The following PPFIBP1 variants were observed in gnomAD, a reference collection of about 807,000 sequenced individuals.
PPFIBP1 encodes liprin-beta-1.
PPFIBP1 carries 112 observed loss-of-function variants against 137.8 expected under a neutral mutation model. That is an observed-to-expected ratio of 0.81 (90% confidence interval 0.70 to 0.95). PPFIBP1 has a LOEUF of 0.95. PPFIBP1 is among the 40% of genes least tolerant of loss of function. The pLI is 0.00. For missense variants in PPFIBP1, 1,083 were observed against 1,196.6 expected (o/e 0.91, Z 1.40); for synonymous variants, 378 against 417.3 (o/e 0.91, Z 1.15).
At chr12:27,672,334 T>C (rs2140198028) in intron 14 of PPFIBP1, 93 bp from the exon 15 acceptor site, 2 of 953,102 alleles carry the variant, frequency 2.1e-6, no homozygotes, top group Non-Finnish European at 3.2e-6. Flanking sequence ...TTCCTTTGCA[T>C]AATTTTTTGT....
At chr12:27,592,868 G>A (rs1347474232) in intron 2 of PPFIBP1, 7 of 526,246 alleles carry the variant, frequency 1.3e-5, no homozygotes, top group Middle Eastern at 1.0e-3. Flanking sequence ...GGCTGGGTGC[G>A]ATGGCTCACA....
At chr12:27,557,650 C>T (rs1020288717) in intron 1 of PPFIBP1, among the ~76,000 whole-genome samples, 1 of 152,168 alleles carries the variant, frequency 6.6e-6, no homozygotes, top group Admixed American at 6.5e-5. Flanking sequence ...AGTACATTTA[C>T]AATATAAAAG....
chr12:27,637,241 T>C (rs901179373), intron 4 of PPFIBP1: 1 of 152,216 alleles, frequency 6.6e-6, no homozygotes, highest in African/African-American at 2.4e-5. Flanking sequence ...CCCTGGTGCT[T>C]AGAAGAATGC....
At chr12:27,571,174 C>T (rs537642851) in intron 1 of PPFIBP1, among the ~76,000 whole-genome samples, 1 of 152,222 alleles carries the variant, frequency 6.6e-6, no homozygotes, top group Non-Finnish European at 1.5e-5. Context: ...CTCCTGTAAC[C>T]TGGTTCTGCT....
chr12:27,582,147 A>G (rs577772794), intron 2 of PPFIBP1, among the ~76,000 whole-genome samples: 3 of 152,164 alleles, frequency 2.0e-5, no homozygotes, highest in Non-Finnish European at 2.9e-5. Context: ...TGAGACAGAT[A>G]TGCTAGTGTG....
At position 27,646,111 on chromosome 12, in the gene PPFIBP1, C is replaced by T; in HGVS notation, c.320C>T (p.Ala107Val). ...GGAGATGTGTATCAAGAAAGGCTGG[C>T]ACGTTTAGAAAATGATAAAGAATCC... ...GNGDVYQERLARLENDKESLV... is the reference protein window; with the variant it reads ...GNGDVYQERLVRLENDKESLV... Residue 107 changes from alanine to valine, a missense_variant, in exon 5 of 30, where the codon GCA (alanine) becomes GTA (valine). By Grantham distance (64) the Ala-to-Val change is moderately conservative. Transcript: ENST00000228425. The T allele has an allele frequency of 6.2e-7, 1 of 1,612,056 alleles. No individual in the cohort carries two copies. Among genetic ancestry groups the T allele is most frequent in the Non-Finnish European group, 8.5e-7 (1 of 1,178,498 alleles).
intron 2 of PPFIBP1, among the ~76,000 whole-genome samples, chr12:27,622,273 C>T (rs912371706): frequency 1.3e-5 from 2 of 152,122 alleles, no homozygotes; most frequent in African/African-American, 2.4e-5. Context: ...TTTGCCCCCC[C>T]AGAGCAGTGC....
At chr12:27,543,994 C>T (rs530270791) in intron 1 of PPFIBP1, among the ~76,000 whole-genome samples, 1 of 151,850 alleles carries the variant, frequency 6.6e-6, no homozygotes, top group South Asian at 2.1e-4. Flanking sequence ...ATCCTCCCAC[C>T]TAAGCCTCTC....
chr12:27,554,407 T>C (rs1947072631), intron 1 of PPFIBP1, among the ~76,000 whole-genome samples: 1 of 152,258 alleles, frequency 6.6e-6, no homozygotes, highest in African/African-American at 2.4e-5. Flanking sequence ...TTATTCAGTA[T>C]TTTTATCAGT....
intron 2 of PPFIBP1, among the ~76,000 whole-genome samples, chr12:27,619,091 A>G (rs1262544975): frequency 6.6e-6 from 1 of 152,136 alleles, no homozygotes; most frequent in African/African-American, 2.4e-5. Context: ...TTCCTTGAGT[A>G]TTCTGCCATG....
chr12:27,645,862 T>A (rs2058439345), intron 4 of PPFIBP1, among the ~76,000 whole-genome samples, 200 bp from the exon 5 acceptor site: 1 of 152,226 alleles, frequency 6.6e-6, no homozygotes. Flanking sequence ...TGGCAAAACA[T>A]GCCTATATGC....
At chr12:27,647,032 C>T (rs1031122811) in intron 5 of PPFIBP1, among the ~76,000 whole-genome samples, 6 of 152,186 alleles carry the variant, frequency 3.9e-5, no homozygotes, top group East Asian at 1.9e-4. Flanking sequence ...GACGGAGTCT[C>T]GCTCTGTTGC....
rs535050798 is a variant in PPFIBP1 at position 27,595,919 on chromosome 12, A to C, written c.-36+17680A>C. Among the ~76,000 whole-genome samples, 5 of 123,970 alleles carry C rather than the reference A, an allele frequency of 4.0e-5. No homozygotes were observed. In the South Asian group the frequency reaches 1.3e-3, roughly 32 times the overall value. The allele number at this position is 123,970 out of a possible 152,430, so 81.3% of individuals were successfully genotyped here. A position where few individuals can be genotyped will look rare whatever the true frequency, so the allele number is the denominator to read the frequency against. On this transcript the variant is annotated intron_variant, in intron 2 of 29. Transcript: ENST00000228425. The stretch of plus-strand genomic sequence containing the variant: ...TATATATATATATATATATATATAT[A>C]TATTTTATGCCCATACCATCCCGGA...
At chr12:27,531,912 A>G (rs1215016933) in intron 1 of PPFIBP1, among the ~76,000 whole-genome samples, 1 of 152,180 alleles carries the variant, frequency 6.6e-6, no homozygotes, top group Non-Finnish European at 1.5e-5. Flanking sequence ...TAACTATAGC[A>G]TAGGGATGAA....
At chr12:27,592,096 T>C (rs1163930650) in intron 2 of PPFIBP1, among the ~76,000 whole-genome samples, 8 of 152,336 alleles carry the variant, frequency 5.3e-5, no homozygotes, top group African/African-American at 1.9e-4. Context: ...AGAAAGAATT[T>C]CTTCCCTTGG....
chr12:27,622,717 C>T (rs1266922934), intron 2 of PPFIBP1, among the ~76,000 whole-genome samples: 2 of 152,314 alleles, frequency 1.3e-5, no homozygotes, highest in South Asian at 2.1e-4. Flanking sequence ...CACTGTTCTG[C>T]GTCTAATACC....
Position 27,673,751 on chromosome 12 carries a change from T to C in PPFIBP1, c.1320-16T>C. ...TGGAGCCACTTATTATTAATTGTTA[T>C]TACTGTTATTTTTAGAACTTCAAGT... is the stretch of plus-strand genomic sequence containing the variant. On this transcript the variant is annotated splice_polypyrimidine_tract_variant and intron_variant, in intron 15 of 29. Coordinates refer to ENST00000228425, the MANE Select transcript of PPFIBP1 (RefSeq NM_003622.4). 1.2e-6 allele frequency: 2 copies of C among 1,608,196 alleles called. No individual in the cohort carries two copies. The highest frequency in any genetic ancestry group is 1.7e-6 in the Non-Finnish European group (2 of 1,175,588).
In PPFIBP1 at chr12:27,563,277, T is replaced by TAAAAAAAAAAAA. The variant is rs869044515; in HGVS notation, c.-123-14856_-123-14845dup. Among the ~76,000 whole-genome samples the TAAAAAAAAAAAA allele has an allele frequency of 2.5e-3, 55 of 22,170 alleles. 12 individuals are homozygous for TAAAAAAAAAAAA. Among genetic ancestry groups the TAAAAAAAAAAAA allele is most frequent in the Admixed American group, 0.01 (11 of 1,048 alleles). The allele number at this position is 22,170 out of a possible 152,430, so 14.5% of individuals were successfully genotyped here. A position where few individuals can be genotyped will look rare whatever the true frequency, so the allele number is the denominator to read the frequency against. On this transcript the variant is annotated intron_variant, in intron 1 of 29. Transcript: ENST00000228425. ...TAACACGGTGAAAACCCATCTCTAC[T>TAAAAAAAAAAAA]AAAAAAAAAAAAAAAAAAAAAAAAA...
chr12:27,581,862 TC>T (rs1268451546), intron 2 of PPFIBP1, among the ~76,000 whole-genome samples: 1 of 152,094 alleles, frequency 6.6e-6, no homozygotes, highest in Non-Finnish European at 1.5e-5. Flanking sequence ...CATTTTTTTT[TC>T]TTTAGTGCTT....
Sources: gnomAD v4.1 joint callset for allele counts (sites outside exome capture counted in the v4.1 genomes callset) on GRCh38, gnomAD v4.1.1 for gene constraint, MANE v1.5 for transcripts, NCBI Gene and HGNC (gene_info 2026-07-23, HGNC 2026-07-21) for gene names.